Variants in MEAK7 observed in about 807,000 individuals in gnomAD.
MEAK7 encodes the protein MTOR-associated protein MEAK7.
In MEAK7, 68 loss-of-function variants were observed where a neutral mutation model predicts 40.5. The ratio of observed to expected loss-of-function variants is 1.68; its 90% confidence interval spans 1.38 to 2.06. MEAK7 has a LOEUF of 2.06. Among genes scored for constraint, MEAK7 ranks in the 30% most tolerant of loss-of-function variants. The pLI, the probability that MEAK7 is intolerant of heterozygous loss-of-function variation, is 0.00. For synonymous variants in MEAK7, 338 were observed against 231.9 expected (o/e 1.46, Z -4.16); for missense variants, 918 against 580.5 (o/e 1.58, Z -5.98).
intron 3 of MEAK7, among the ~76,000 whole-genome samples, chr16:84,491,718 G>T (rs1409232933): frequency 6.6e-6 from 1 of 150,882 alleles, no homozygotes; most frequent in Non-Finnish European, 1.5e-5. Context: ...TGCACCTGTA[G>T]TCCCAGCCAC....
chr16:84,480,204 A>C (rs1270150075), intron 7 of MEAK7, among the ~76,000 whole-genome samples, 178 bp from the exon 8 acceptor site: 1 of 152,146 alleles, frequency 6.6e-6, no homozygotes, highest in Non-Finnish European at 1.5e-5. Context: ...TTCAGGGGCC[A>C]ACAGCAACTC....
At chr16:84,489,626 G>A (rs1471255595) in intron 3 of MEAK7, among the ~76,000 whole-genome samples, 1 of 152,148 alleles carries the variant, frequency 6.6e-6, no homozygotes, top group Non-Finnish European at 1.5e-5. Flanking sequence ...CTTTGTCCAG[G>A]AGTTCTGACC....
At chr16:84,504,263 T>C in intron 1 of MEAK7, 1 of 610,088 alleles carries the variant, frequency 1.6e-6, no homozygotes, top group Non-Finnish European at 2.1e-6. Flanking sequence ...CCTTTCCGCG[T>C]CTACACAGGC....
chr16:84,483,074 G>C (rs1399170967), intron 5 of MEAK7, among the ~76,000 whole-genome samples: 1 of 152,214 alleles, frequency 6.6e-6, no homozygotes, highest in Non-Finnish European at 1.5e-5. Flanking sequence ...TCACTCCGCA[G>C]AGACTGAGGC....
rs557795735 is a variant in MEAK7, at chr16:84,485,731, G to C, written c.958+900C>G. 3.6e-4 allele frequency among the ~76,000 whole-genome samples: 55 copies of C among 152,264 alleles called. No homozygotes were observed. The Middle Eastern group carries it at 0.02, about 56-fold the overall frequency. On this transcript the variant is annotated intron_variant, in intron 5 of 7. Coordinates refer to ENST00000343629, the MANE Select transcript of MEAK7 (RefSeq NM_020947.4). ...GGAGTCTCGCTCTGTTGCTCAGGCT[G>C]GAGTGCGGTGGTATGATCTCGGCTC...
intron 1 of MEAK7, chr16:84,499,805 G>C (rs1914350698): frequency 6.6e-6 from 1 of 152,224 alleles, no homozygotes; most frequent in African/African-American, 2.4e-5. Flanking sequence ...GGGAGGCCAA[G>C]GCAGGAGAAT....
chr16:84,480,049 G>T, intron 7 of MEAK7, 23 bp from the exon 8 acceptor site: 1 of 1,557,436 alleles, frequency 6.4e-7, no homozygotes, highest in South Asian at 1.2e-5. Flanking sequence ...AGAAAGGGTG[G>T]GTGTGTTCCA....
At chr16:84,484,203 G>C (rs946339283) in intron 5 of MEAK7, among the ~76,000 whole-genome samples, 2 of 152,202 alleles carry the variant, frequency 1.3e-5, no homozygotes, top group African/African-American at 4.8e-5. Context: ...TCTCCATAGG[G>C]AAAGCCAGGA....
At chr16:84,483,582 TAAG>T (rs1912767698) in intron 5 of MEAK7, among the ~76,000 whole-genome samples, 1 of 152,076 alleles carries the variant, frequency 6.6e-6, no homozygotes, top group African/African-American at 2.4e-5. Context: ...GGAACGCAGA[TAAG>T]AAGGGGGCAC....
chr16:84,489,667 C>T (rs1913400537), intron 3 of MEAK7, among the ~76,000 whole-genome samples: 1 of 152,104 alleles, frequency 6.6e-6, no homozygotes, highest in African/African-American at 2.4e-5. Flanking sequence ...TTTAGGACTC[C>T]CCGAGGATGG....
chr16:84,480,688 A>T lies in MEAK7; in HGVS notation c.1098T>A (p.Asn366Lys), dbSNP rs1912457475. The T allele has an allele frequency of 6.2e-7, 1 of 1,613,300 alleles. No individual in the cohort carries two copies. Among genetic ancestry groups the T allele is most frequent in the African/African-American group, 1.3e-5 (1 of 74,852 alleles). The change falls in exon 7 of 8, where the codon AAT becomes AAA. Residue 366 changes from asparagine to lysine, a missense_variant. By Grantham distance (94) the Asn-to-Lys change is moderately conservative (BLOSUM62 0). Transcript: ENST00000343629. ...PNGLGMGGQH[N>K]YFGLWVDVDF... ...CAACATCCACCCAAAGCCCAAAGTA[A>T]TTGTGCTGCCCCCCCATACCCTGCA...
chr16:84,495,916 G>C lies in MEAK7; in HGVS notation c.154-3C>G, dbSNP rs1033027739. The C allele has an allele frequency of 1.2e-6, 2 of 1,613,668 alleles. No individual in the cohort carries two copies. Among genetic ancestry groups the C allele is most frequent in the Admixed American group, 1.7e-5 (1 of 59,984 alleles). On this transcript the variant is annotated splice_region_variant and splice_polypyrimidine_tract_variant and intron_variant, in intron 2 of 7. Coordinates refer to ENST00000343629, the MANE Select transcript of MEAK7 (RefSeq NM_020947.4). The stretch of plus-strand genomic sequence containing the variant: ...GGAAGAGCTTCCCCGACGTGGTTCT[G>C]CCGGGGACAAGCAGAAAAATATGGT...
intron 3 of MEAK7, among the ~76,000 whole-genome samples, chr16:84,493,783 G>A (rs552936895): frequency 2.0e-5 from 3 of 152,304 alleles, no homozygotes; most frequent in South Asian, 2.1e-4. Flanking sequence ...GGCTTTGACT[G>A]GAACAGCATT....
chr16:84,504,205 C>CA (rs1914712830), intron 1 of MEAK7: 1 of 965,888 alleles, frequency 1.0e-6, no homozygotes, highest in Non-Finnish European at 1.2e-6. Context: ...CCTCCACACA[C>CA]ACTTCAGTGT....
rs928293274 is a variant in MEAK7, at chr16:84,483,876, G to A, written c.959-1166C>T. On this transcript the variant is annotated intron_variant, in intron 5 of 7. Coordinates refer to ENST00000343629, the MANE Select transcript of MEAK7 (RefSeq NM_020947.4). ...TGGGGCTTGAGAGCATCGGGTGGAG[G>A]AAGGAGGATAGTTAGGCTAGAAAGT... 3.3e-5 allele frequency among the ~76,000 whole-genome samples: 5 copies of A among 152,326 alleles called. No individual in the cohort carries two copies. In the East Asian group the frequency reaches 9.7e-4, roughly 29 times the overall value.
intron 1 of MEAK7, among the ~76,000 whole-genome samples, chr16:84,501,054 C>T (rs1914455813): frequency 1.4e-5 from 2 of 141,210 alleles, no homozygotes; most frequent in South Asian, 4.5e-4. Context: ...GAGACCACGC[C>T]ACTACACTCC....
intron 3 of MEAK7, among the ~76,000 whole-genome samples, chr16:84,490,089 G>A (rs544539686): frequency 6.6e-6 from 1 of 152,298 alleles, no homozygotes; most frequent in Admixed American, 6.5e-5. Context: ...AGAGCACTCA[G>A]TAATTGTACA....
intron 1 of MEAK7, among the ~76,000 whole-genome samples, chr16:84,503,096 T>A (rs1914632380): frequency 6.6e-6 from 1 of 152,198 alleles, no homozygotes; most frequent in Non-Finnish European, 1.5e-5. Flanking sequence ...ATGCTTAGGT[T>A]AGGGATATCC....
chr16:84,490,832 C>G (rs570788185), intron 3 of MEAK7, among the ~76,000 whole-genome samples: 1 of 152,006 alleles, frequency 6.6e-6, no homozygotes, highest in Non-Finnish European at 1.5e-5. Flanking sequence ...TGCTACCCTC[C>G]GCTGTATGAA....
Sources: allele counts gnomAD v4.1 joint callset (sites outside exome capture counted in the v4.1 genomes callset), GRCh38; gene constraint gnomAD v4.1.1; transcripts MANE v1.5; gene names NCBI Gene and HGNC (gene_info 2026-07-23, HGNC 2026-07-21).